Variants in FAT3 observed in about 807,000 individuals in gnomAD.
FAT3 encodes protocadherin Fat 3.
In FAT3, 95 loss-of-function variants were observed where a neutral mutation model predicts 310.2. The observed-to-expected ratio is 0.31, with a 90% CI of 0.26 to 0.36. FAT3 has a LOEUF of 0.36. Among genes scored for constraint, FAT3 ranks in the 10% least tolerant of loss-of-function variants. FAT3 has a pLI of 1.00. For missense variants in FAT3, 5,408 were observed against 5,715.6 expected (o/e 0.95, Z 1.74); for synonymous variants, 2,314 against 2,192.9 (o/e 1.06, Z -1.54).
intron 6 of FAT3, 55 bp downstream of exon 6, chr11:92,765,144 A>G: frequency 7.7e-7 from 1 of 1,295,736 alleles, no homozygotes; most frequent in Non-Finnish European, 1.0e-6. Context: ...GACTGAAGCA[A>G]CTAGGAAAAA....
chr11:92,238,406 G>A (rs1864525934), intron 1 of FAT3, among the ~76,000 whole-genome samples: 1 of 152,140 alleles, frequency 6.6e-6, no homozygotes, highest in Non-Finnish European at 1.5e-5. Flanking sequence ...CCTCTGGAAT[G>A]TCCACATAGG....
intron 4 of FAT3, among the ~76,000 whole-genome samples, chr11:92,750,224 A>T (rs2676163): frequency 0.25 from 37,260 of 151,988 alleles, 5,696 homozygotes; most frequent in African/African-American, 0.43. Flanking sequence ...GAGAAATAAA[A>T]CTCTTTTGAG....
chr11:92,799,376 T>C lies in FAT3; in HGVS notation c.6363T>C (p.Tyr2121=). The change falls in exon 10 of 28, where the codon TAT becomes TAC. Residue 2121 remains tyrosine (Y), a synonymous_variant. Transcript: ENST00000525166. ...AAGGTCCAAATGGAGAAGTGACCTA[T>C]GTCCTGCAGGATGACTATGGCCACT... is the stretch of plus-strand genomic sequence containing the variant. The part of the protein sequence containing the change: ...KDKGPNGEVT[Y]VLQDDYGHFE... The C allele has an allele frequency of 1.2e-6, 2 of 1,613,862 alleles. No individual in the cohort carries two copies. Among genetic ancestry groups the C allele is most frequent in the Non-Finnish European group, 8.5e-7 (1 of 1,179,836 alleles).
intron 13 of FAT3, among the ~76,000 whole-genome samples, chr11:92,820,619 T>G (rs530598351): frequency 6.6e-6 from 1 of 152,114 alleles, no homozygotes; most frequent in African/African-American, 2.4e-5. Context: ...CTCTTGAAAA[T>G]GGACCCACCC....
rs1212580509 is a variant in FAT3 at position 92,880,837 on chromosome 11, A to G, written c.12234A>G (p.Ile4078Met). The change falls in exon 23 of 28, where the codon ATA becomes ATG. Residue 4078 changes from isoleucine to methionine, a missense_variant. By Grantham distance (10) the Ile-to-Met change is conservative. Transcript: ENST00000525166. ...PCRNGGSCDP[I>M]GNTFICNCKA... ...GGAATGGAGGATCCTGCGATCCAAT[A>G]GGAAACACTTTCATCTGCAATTGTA... The G allele has an allele frequency of 9.9e-6, 16 of 1,613,884 alleles. No homozygotes were observed. The highest frequency in any genetic ancestry group is 1.3e-5 in the Non-Finnish European group (15 of 1,179,886).
At position 92,312,205 on chromosome 11, in the gene FAT3, T is replaced by C. The variant is rs542906174; in HGVS notation, c.-17-39891T>C. Among the ~76,000 whole-genome samples, 3 of 144,594 alleles carry C rather than the reference T, an allele frequency of 2.1e-5. No individual in the cohort carries two copies. In the East Asian group the frequency reaches 5.8e-4, roughly 28 times the overall value. 94.9% of individuals were successfully genotyped at this position (144,594 alleles called of 152,430 possible). ...TTTGAATAATGCAGGCTCCAGCTAC[T>C]GCCTACAGGAATTCGTGATTCTGTA... is the stretch of plus-strand genomic sequence containing the variant. On this transcript the variant is annotated intron_variant, in intron 1 of 27. Coordinates refer to ENST00000525166, the MANE Select transcript of FAT3 (RefSeq NM_001367949.2).
chr11:92,280,560 C>T (rs185108572), intron 1 of FAT3, among the ~76,000 whole-genome samples: 1 of 152,314 alleles, frequency 6.6e-6, no homozygotes, highest in East Asian at 1.9e-4. Context: ...TTTCTGCCAG[C>T]TGCAGCTATC....
chr11:92,888,667 G>A (rs1281042790), intron 25 of FAT3, among the ~76,000 whole-genome samples: 1 of 152,160 alleles, frequency 6.6e-6, no homozygotes, highest in Non-Finnish European at 1.5e-5. Flanking sequence ...TTTACTGGTG[G>A]GAGCTAGGCC....
intron 2 of FAT3, among the ~76,000 whole-genome samples, chr11:92,443,109 C>T (rs886473570): frequency 2.0e-5 from 3 of 152,112 alleles, no homozygotes; most frequent in Non-Finnish European, 2.9e-5. Flanking sequence ...GAGATATTTT[C>T]GTGCCTTATA....
chr11:92,715,984 T>C (rs1195482323), intron 4 of FAT3, among the ~76,000 whole-genome samples: 2 of 152,016 alleles, frequency 1.3e-5, no homozygotes, highest in African/African-American at 4.8e-5. Context: ...CTTGATGAAA[T>C]ACAGAACCAT....
At chr11:92,270,113 G>A (rs1349299943) in intron 1 of FAT3, among the ~76,000 whole-genome samples, 1 of 152,084 alleles carries the variant, frequency 6.6e-6, no homozygotes, top group African/African-American at 2.4e-5. Flanking sequence ...AAGATGCTAA[G>A]CTGCCAGAGA....
intron 1 of FAT3, among the ~76,000 whole-genome samples, chr11:92,232,175 G>A (rs1329366530): frequency 6.6e-6 from 1 of 152,034 alleles, no homozygotes; most frequent in Non-Finnish European, 1.5e-5. Context: ...GCAAAGAAAT[G>A]TACACATGAA....
chr11:92,403,489 T>C lies in FAT3; in HGVS notation c.3292+48085T>C, dbSNP rs187433736. The C allele has an allele frequency of 7.9e-4, 120 of 152,296 alleles. 1 individual carries two copies. The highest frequency in any genetic ancestry group is 2.8e-3 in the African/African-American group (118 of 41,564). 9.4% of individuals were successfully genotyped at this position (152,296 alleles called of 1,614,324 possible). On this transcript the variant is annotated intron_variant, in intron 2 of 27. Coordinates refer to ENST00000525166, the MANE Select transcript of FAT3 (RefSeq NM_001367949.2). ...TATGTGATTAAGTGCCAGGTGGATA[T>C]TGCAAAATGTAAATGTGATAGGAGT...
chr11:92,412,400 C>CTTTTTTTTT (rs1446543734), intron 2 of FAT3, among the ~76,000 whole-genome samples: 1 of 46,252 alleles, frequency 2.2e-5, no homozygotes, highest in Non-Finnish European at 6.5e-5. Context: ...CAGACCCGGC[C>CTTTTTTTTT]TATTTTTTTT....
In FAT3 at chr11:92,745,252, G is replaced by A. The variant is rs976512553; in HGVS notation, c.3670-16604G>A. Reference sequence around the variant, plus strand: ...AGAGGGGAATGTGGAATAGTATATCGACTAAGGCCTTGATGTCAGGGGAGT... The same window carrying A: ...AGAGGGGAATGTGGAATAGTATATCAACTAAGGCCTTGATGTCAGGGGAGT... On this transcript the variant is annotated intron_variant, in intron 4 of 27. Coordinates refer to ENST00000525166, the MANE Select transcript of FAT3 (RefSeq NM_001367949.2). Among the ~76,000 whole-genome samples, 16 of 152,264 alleles carry A rather than the reference G, an allele frequency of 1.1e-4. No homozygotes were observed. In the Middle Eastern group the frequency reaches 0.01, roughly 97 times the overall value.
At chr11:92,761,064 A>G (rs1160110442) in intron 4 of FAT3, among the ~76,000 whole-genome samples, 1 of 152,248 alleles carries the variant, frequency 6.6e-6, no homozygotes, top group Non-Finnish European at 1.5e-5. Context: ...TGACAATGTA[A>G]AAATCAAATC....
chr11:92,260,935 T>G (rs961738295), intron 1 of FAT3, among the ~76,000 whole-genome samples: 53 of 152,258 alleles, frequency 3.5e-4, no homozygotes, highest in Admixed American at 1.6e-3. Flanking sequence ...GTTTGCTTTT[T>G]GTCCGCAGAT....
intron 2 of FAT3, among the ~76,000 whole-genome samples, chr11:92,514,939 G>A (rs980776775): frequency 4.6e-5 from 7 of 152,138 alleles, no homozygotes; most frequent in Non-Finnish European, 8.8e-5. Context: ...AGTAAATGGT[G>A]AGGATCCTAT....
chr11:92,363,211 G>A (rs1416064968), intron 2 of FAT3, among the ~76,000 whole-genome samples: 1 of 152,188 alleles, frequency 6.6e-6, no homozygotes, highest in East Asian at 1.9e-4. Flanking sequence ...TTGAAGAACT[G>A]TTCACTAGCT....
Sources: allele counts gnomAD v4.1 joint callset (sites outside exome capture counted in the v4.1 genomes callset), GRCh38; gene constraint gnomAD v4.1.1; transcripts MANE v1.5; gene names NCBI Gene and HGNC (gene_info 2026-07-23, HGNC 2026-07-21).